The following RNF150 variants were observed in gnomAD, a reference collection of about 807,000 sequenced individuals.
RNF150 encodes the protein ring finger protein 150.
In RNF150, 24 loss-of-function variants were observed where a neutral mutation model predicts 39.3. That is an observed-to-expected ratio of 0.61 (90% CI 0.44 to 0.86). The LOEUF (loss-of-function observed/expected upper bound fraction) is 0.86. Ranked by LOEUF, RNF150 falls within the 40% of genes least tolerant of loss-of-function variation. RNF150 has a pLI of 0.00. For synonymous variants in RNF150, 255 were observed against 227.3 expected, an observed-to-expected ratio of 1.12 and a Z score of -1.10; for missense variants, 502 against 587.8, an observed-to-expected ratio of 0.85 and a Z score of 1.51.
chr4:141,050,085 A>G (rs1736720323), intron 1 of RNF150, among the ~76,000 whole-genome samples: 1 of 152,142 alleles, frequency 6.6e-6, no homozygotes, highest in Admixed American at 6.5e-5. Flanking sequence ...ATAGCAAAAG[A>G]ACAGCAGAAA....
intron 5 of RNF150, among the ~76,000 whole-genome samples, chr4:140,916,246 T>C (rs112777969): frequency 0.54 from 81,612 of 150,516 alleles, 22,403 homozygotes; most frequent in East Asian, 0.89. Context: ...CAAACTACTC[T>C]GAGCTAAAGA....
chr4:141,193,166 A>C (rs979525992), intron 1 of RNF150, among the ~76,000 whole-genome samples: 3 of 152,264 alleles, frequency 2.0e-5, no homozygotes, highest in African/African-American at 7.2e-5. Flanking sequence ...TGTAAGCTGT[A>C]AGGACAAGGG....
intron 1 of RNF150, among the ~76,000 whole-genome samples, chr4:141,052,923 T>C (rs970871558): frequency 6.6e-6 from 1 of 152,142 alleles, no homozygotes; most frequent in African/African-American, 2.4e-5. Context: ...TTCCACCATT[T>C]GGTGGATCAT....
chr4:141,107,839 G>T (rs1002050166), intron 1 of RNF150, among the ~76,000 whole-genome samples: 4 of 152,162 alleles, frequency 2.6e-5, no homozygotes, highest in African/African-American at 9.7e-5. Context: ...CTCATTTATA[G>T]CTAGAATATA....
chr4:141,102,568 T>C (rs1739050353), intron 1 of RNF150, among the ~76,000 whole-genome samples: 1 of 152,278 alleles, frequency 6.6e-6, no homozygotes, highest in South Asian at 2.1e-4. Context: ...AGAGGCAGTG[T>C]CCACTAACAA....
Position 140,911,139 on chromosome 4 carries a change from CT to C in RNF150, c.1198+4del. 1 of 1,609,444 alleles carries C rather than the reference CT, an allele frequency of 6.2e-7. No homozygotes were observed. Among genetic ancestry groups the C allele is most frequent in the Non-Finnish European group, 8.5e-7 (1 of 1,175,790 alleles). On this transcript the variant is annotated splice_donor_region_variant and intron_variant, in intron 6 of 6. Coordinates refer to ENST00000515673, the MANE Select transcript of RNF150 (RefSeq NM_020724.2). ...CTATGTCACTTTAAGTATGGCAGAA[CT>C]CACTGTTAGTAGTAAAGATGACGTC...
intron 1 of RNF150, among the ~76,000 whole-genome samples, chr4:141,042,027 C>A: frequency 6.6e-6 from 1 of 151,910 alleles, no homozygotes. Context: ...AGAAAGATGA[C>A]TATTTTCTCA....
intron 4 of RNF150, among the ~76,000 whole-genome samples, chr4:140,936,294 T>C (rs1731861742): frequency 6.6e-6 from 1 of 152,228 alleles, no homozygotes; most frequent in Non-Finnish European, 1.5e-5. Flanking sequence ...CTCAGGTATA[T>C]ATCCAAGAAC....
At chr4:141,133,493 T>TGA (rs1227717370), upstream of RNF150, 9 of 153,470 alleles carry the variant, frequency 5.9e-5, no homozygotes, top group African/African-American at 2.2e-4. Context: ...TGTGTGTGTG[T>TGA]GTATAATGTG....
intron 1 of RNF150, among the ~76,000 whole-genome samples, chr4:141,078,033 A>AT (rs577304746): frequency 0.016 from 2,373 of 150,738 alleles, 83 homozygotes; most frequent in African/African-American, 0.053. Context: ...AAAAAGAATC[A>AT]TTTTTTTTTT....
intron 5 of RNF150, among the ~76,000 whole-genome samples, chr4:140,919,066 C>T (rs1730985242): frequency 6.6e-6 from 1 of 150,940 alleles, no homozygotes; most frequent in South Asian, 2.1e-4. Flanking sequence ...ATGACAAACC[C>T]ACAGCCAATA....
chr4:140,915,319 T>C (rs992313843), intron 5 of RNF150, among the ~76,000 whole-genome samples: 6 of 152,242 alleles, frequency 3.9e-5, no homozygotes, highest in African/African-American at 1.4e-4. Flanking sequence ...ATATAGCAAG[T>C]ATTTTCTAAT....
chr4:141,156,173 T>TC (rs1727394180), intron 1 of RNF150, among the ~76,000 whole-genome samples: 1 of 152,160 alleles, frequency 6.6e-6, no homozygotes, highest in Non-Finnish European at 1.5e-5. Flanking sequence ...TTCTCTGAGG[T>TC]CCCCTTGGCC....
chr4:141,109,378 G>C (rs1487452286), intron 1 of RNF150, among the ~76,000 whole-genome samples: 1 of 151,882 alleles, frequency 6.6e-6, no homozygotes, highest in Non-Finnish European at 1.5e-5. Context: ...TGGTACAAAG[G>C]AGCCAAGGAG....
chr4:141,104,917 C>A (rs1739147199), intron 1 of RNF150, among the ~76,000 whole-genome samples: 1 of 152,316 alleles, frequency 6.6e-6, no homozygotes, highest in Admixed American at 6.5e-5. Context: ...CTCTTGTGCA[C>A]ACACACATCC....
chr4:140,911,321 C>T lies in RNF150; in HGVS notation c.1021G>A (p.Asp341Asn), dbSNP rs779827285. ...GGACCTCCCAGAGAGCCCTCGAAGT[C>T]AGTGGGCAAGTCGTCCATGCAGTCG... ...NADCMDDLPT[D>N]FEGSLGGPPT... Residue 341 changes from aspartate to asparagine, a missense_variant, in exon 6 of 7, where the codon GAC becomes AAC. Physicochemically the swap from Asp to Asn is conservative, Grantham distance 23. Transcript: ENST00000515673. The T allele has an allele frequency of 6.2e-7, 1 of 1,614,112 alleles. No individual in the cohort carries two copies. The highest frequency in any genetic ancestry group is 1.7e-5 in the Admixed American group (1 of 60,032).
intron 1 of RNF150, among the ~76,000 whole-genome samples, chr4:141,092,988 C>T (rs1336471829): frequency 1.3e-5 from 2 of 152,100 alleles, no homozygotes; most frequent in African/African-American, 2.4e-5. Context: ...GCCCTGAGGG[C>T]ATCTACTACT....
intron 1 of RNF150, among the ~76,000 whole-genome samples, chr4:141,064,127 T>C (rs4513639): frequency 0.8 from 121,554 of 152,070 alleles, 49,308 homozygotes; most frequent in Non-Finnish European, 0.88. Flanking sequence ...ACTTAATAAT[T>C]ATAAAACATA....
At chr4:140,992,659 T>C (rs1234959274) in intron 1 of RNF150, among the ~76,000 whole-genome samples, 2 of 152,074 alleles carry the variant, frequency 1.3e-5, no homozygotes, top group African/African-American at 4.8e-5. Context: ...TTTCTAACCC[T>C]GGCCCTCCCT....
Sources: allele counts gnomAD v4.1 joint callset (sites outside exome capture counted in the v4.1 genomes callset), GRCh38; gene constraint gnomAD v4.1.1; transcripts MANE v1.5; gene names NCBI Gene and HGNC (gene_info 2026-07-23, HGNC 2026-07-21).